NRXN3: variants seen among roughly 807,000 people sequenced by gnomAD.
NRXN3 encodes the protein neurexin 3.
NRXN3 carries 32 observed loss-of-function variants against 137.6 expected under a neutral mutation model. The observed-to-expected ratio is 0.23, with a 90% CI of 0.18 to 0.31. The LOEUF (loss-of-function observed/expected upper bound fraction) is 0.31. NRXN3 is among the 10% of genes least tolerant of loss of function. The pLI is 1.00. For missense variants in NRXN3, 1,574 were observed against 2,062.5 expected, an observed-to-expected ratio of 0.76 and a Z score of 4.59; for synonymous variants, 798 against 784.5, an observed-to-expected ratio of 1.02 and a Z score of -0.29.
intron 10 of NRXN3, among the ~76,000 whole-genome samples, chr14:78,868,495 T>C (rs1238253273): frequency 1.3e-5 from 2 of 152,048 alleles, no homozygotes; most frequent in African/African-American, 2.4e-5. Flanking sequence ...ATGGAGTTAG[T>C]GTTTTGTTTC....
chr14:78,638,416 C>T lies in NRXN3; in HGVS notation c.758-6704C>T, dbSNP rs1470188190. 3.3e-5 allele frequency among the ~76,000 whole-genome samples: 5 copies of T among 152,160 alleles called. No homozygotes were observed. In the East Asian group the frequency reaches 9.6e-4, roughly 29 times the overall value. ...GGGATGGCTCTGCAGCTTGATCTCT[C>T]TTAATGCTTTCTTTGGCCCTAAAAT... On this transcript the variant is annotated intron_variant, in intron 4 of 20. Transcript: ENST00000335750.
At chr14:78,471,971 ACT>A (rs2095283403) in intron 4 of NRXN3, among the ~76,000 whole-genome samples, 1 of 152,128 alleles carries the variant, frequency 6.6e-6, no homozygotes, top group Admixed American at 6.5e-5. Flanking sequence ...GGGAAACCAA[ACT>A]CTGCATCCCT....
intron 16 of NRXN3, among the ~76,000 whole-genome samples, chr14:79,585,167 G>T (rs183781441): frequency 5.3e-5 from 8 of 152,134 alleles, no homozygotes; most frequent in African/African-American, 1.7e-4. Flanking sequence ...GCCCAAAGAT[G>T]TTGGGTTAAT....
At chr14:79,611,694 C>G (rs1328525541) in intron 16 of NRXN3, 5 of 152,224 alleles carry the variant, frequency 3.3e-5, no homozygotes, top group Admixed American at 2.6e-4. Context: ...CACCAATGAT[C>G]ATGAATAAAT....
intron 9 of NRXN3, among the ~76,000 whole-genome samples, chr14:78,805,768 A>C (rs1404010217): frequency 6.6e-6 from 1 of 152,200 alleles, no homozygotes. Flanking sequence ...GTCATTAAAC[A>C]GACATTTTTT....
At chr14:79,401,856 A>G (rs2095205871) in intron 15 of NRXN3, among the ~76,000 whole-genome samples, 1 of 152,048 alleles carries the variant, frequency 6.6e-6, no homozygotes, top group South Asian at 2.1e-4. Flanking sequence ...TAATGAAAAA[A>G]AAAAAAAACA....
intron 4 of NRXN3, among the ~76,000 whole-genome samples, chr14:78,299,537 C>T (rs943573448): frequency 1.1e-4 from 16 of 151,832 alleles, no homozygotes; most frequent in Non-Finnish European, 1.5e-5. Context: ...TCCCACGTGC[C>T]CCTTGGGAGT....
At chr14:79,607,969 C>T (rs2098044552) in intron 16 of NRXN3, among the ~76,000 whole-genome samples, 1 of 152,162 alleles carries the variant, frequency 6.6e-6, no homozygotes, top group African/African-American at 2.4e-5. Flanking sequence ...ACCACCGTGC[C>T]TGGCCATCAA....
At chr14:79,731,627 AT>A (rs10719457) in intron 19 of NRXN3, among the ~76,000 whole-genome samples, 45,481 of 147,866 alleles carry the variant, frequency 0.31, 7,309 homozygotes, top group Middle Eastern at 0.4. Context: ...CAAATGACCT[AT>A]TTTTTCCCTT....
intron 19 of NRXN3, among the ~76,000 whole-genome samples, chr14:79,758,132 A>G (rs1423936449): frequency 6.6e-6 from 1 of 152,180 alleles, no homozygotes; most frequent in African/African-American, 2.4e-5. Context: ...AAGTTTAACA[A>G]ATTGTCTTCA....
chr14:78,860,130 A>G (rs1187413708), intron 10 of NRXN3, among the ~76,000 whole-genome samples: 1 of 152,176 alleles, frequency 6.6e-6, no homozygotes, highest in Non-Finnish European at 1.5e-5. Context: ...TTAGTAAAAC[A>G]CTTAACATTT....
chr14:78,906,564 A>G (rs1257002356), intron 10 of NRXN3, among the ~76,000 whole-genome samples: 1 of 152,128 alleles, frequency 6.6e-6, no homozygotes, highest in Non-Finnish European at 1.5e-5. Context: ...ATCTGTGTGA[A>G]TGGGCATGAC....
intron 2 of NRXN3, among the ~76,000 whole-genome samples, chr14:78,269,517 G>A (rs1337293281): frequency 6.6e-6 from 1 of 152,150 alleles, no homozygotes; most frequent in East Asian, 1.9e-4. Flanking sequence ...AGTGGACAAC[G>A]GTGGTGGTTG....
chr14:79,115,973 A>G (rs1167135565), intron 15 of NRXN3, among the ~76,000 whole-genome samples: 1 of 152,178 alleles, frequency 6.6e-6, no homozygotes, highest in African/African-American at 2.4e-5. Context: ...TTATGCACCC[A>G]TGGAAGCTAA....
intron 16 of NRXN3, among the ~76,000 whole-genome samples, chr14:79,534,525 G>A (rs1363595265): frequency 6.6e-6 from 1 of 152,122 alleles, no homozygotes; most frequent in Non-Finnish European, 1.5e-5. Flanking sequence ...ACAAAGATCA[G>A]AAATTTGCAT....
chr14:78,460,933 A>G (rs1216877544), intron 4 of NRXN3, among the ~76,000 whole-genome samples: 1 of 151,840 alleles, frequency 6.6e-6, no homozygotes, highest in Non-Finnish European at 1.5e-5. Flanking sequence ...ACAAATATTT[A>G]TTTGTACCTT....
At chr14:79,264,494 A>G (rs949074115) in intron 15 of NRXN3, among the ~76,000 whole-genome samples, 1 of 151,440 alleles carries the variant, frequency 6.6e-6, no homozygotes, top group African/African-American at 2.4e-5. Flanking sequence ...TGGCTTGCAA[A>G]TGGCTGCCTT....
chr14:78,223,010 A>G (rs369581261), intron 1 of NRXN3, among the ~76,000 whole-genome samples: 1 of 152,240 alleles, frequency 6.6e-6, no homozygotes, highest in East Asian at 1.9e-4. Flanking sequence ...ATTTTTGGTA[A>G]TGTCACTCAA....
intron 4 of NRXN3, among the ~76,000 whole-genome samples, chr14:78,525,615 C>T (rs1340456023): frequency 6.6e-6 from 1 of 152,172 alleles, no homozygotes; most frequent in Non-Finnish European, 1.5e-5. Context: ...AGCTGGACTT[C>T]ATGCCATAAT....
Sources: gnomAD v4.1 joint callset for allele counts (sites outside exome capture counted in the v4.1 genomes callset) on GRCh38, gnomAD v4.1.1 for gene constraint, MANE v1.5 for transcripts, NCBI Gene and HGNC (gene_info 2026-07-23, HGNC 2026-07-21) for gene names.